PEX5L: variants seen among roughly 807,000 people sequenced by gnomAD.
PEX5L encodes the protein PEX5-related protein.
PEX5L carries 30 observed loss-of-function variants against 84.0 expected under a neutral mutation model. That is an observed-to-expected ratio of 0.36 (90% CI 0.27 to 0.48). The LOEUF (loss-of-function observed/expected upper bound fraction) is 0.48, where lower values mean the gene tolerates loss of function less well. Ranked by LOEUF, PEX5L falls within the 20% of genes least tolerant of loss-of-function variation. The pLI is 0.99. For synonymous variants in PEX5L, 270 were observed against 283.1 expected (o/e 0.95, Z 0.46); for missense variants, 533 against 754.6 (o/e 0.71, Z 3.44).
chr3:180,024,350 A>G (rs1301791043), intron 1 of PEX5L, among the ~76,000 whole-genome samples: 2 of 79,378 alleles, frequency 2.5e-5, no homozygotes, highest in Non-Finnish European at 4.5e-5. Context: ...CCTACTAAAT[A>G]TATATATATA....
chr3:179,990,660 C>T (rs1385940132), intron 1 of PEX5L, among the ~76,000 whole-genome samples: 1 of 152,182 alleles, frequency 6.6e-6, no homozygotes, highest in African/African-American at 2.4e-5. Flanking sequence ...ACCCCTGCCT[C>T]CCCAAGTGCT....
At chr3:179,946,753 C>G (rs1375776892) in intron 2 of PEX5L, among the ~76,000 whole-genome samples, 1 of 152,158 alleles carries the variant, frequency 6.6e-6, no homozygotes, top group African/African-American at 2.4e-5. Context: ...TGACTGAGAA[C>G]CAGGAGCTAG....
At chr3:179,925,869 T>C (rs947766602) in intron 2 of PEX5L, among the ~76,000 whole-genome samples, 5 of 152,340 alleles carry the variant, frequency 3.3e-5, no homozygotes, top group Admixed American at 6.5e-5. Flanking sequence ...GGTAAAATTA[T>C]TGGAGAAAAT....
At position 179,800,370 on chromosome 3, in the gene PEX5L, G is replaced by T. The variant is rs145379371; in HGVS notation, c.*1458C>A. The T allele has an allele frequency of 3.9e-4, 59 of 152,304 alleles. No homozygotes were observed. The highest frequency in any genetic ancestry group is 1.4e-3 in the African/African-American group (57 of 41,560). The allele number at this position is 152,304 out of a possible 1,614,324, so 9.4% of individuals were successfully genotyped here. A position where few individuals can be genotyped will look rare whatever the true frequency, so the allele number is the denominator to read the frequency against. On this transcript the variant is annotated 3_prime_UTR_variant, in exon 15 of 15. Coordinates refer to ENST00000467460, the MANE Select transcript of PEX5L (RefSeq NM_016559.3). ...GTTAGGATTAGCTACTGTGGGGAAGGTTCTAGACGAAGGAAGGAGACCAGG... is the reference window on the plus strand; with the variant it reads ...GTTAGGATTAGCTACTGTGGGGAAGTTTCTAGACGAAGGAAGGAGACCAGG...
At chr3:180,004,384 A>C (rs1788686174) in intron 1 of PEX5L, among the ~76,000 whole-genome samples, 1 of 152,202 alleles carries the variant, frequency 6.6e-6, no homozygotes, top group African/African-American at 2.4e-5. Flanking sequence ...GTTTGGAAAT[A>C]AGATGGAAAG....
chr3:180,007,112 G>C (rs953717802), intron 1 of PEX5L, among the ~76,000 whole-genome samples: 3 of 152,116 alleles, frequency 2.0e-5, no homozygotes, highest in African/African-American at 7.2e-5. Flanking sequence ...AAAATAGAAA[G>C]CAAGCTAGTT....
intron 2 of PEX5L, among the ~76,000 whole-genome samples, chr3:179,947,788 G>A (rs1157201974): frequency 1.3e-5 from 2 of 149,256 alleles, no homozygotes; most frequent in East Asian, 4.0e-4. Flanking sequence ...CTCACCGCAA[G>A]CTCTGCCTCC....
intron 2 of PEX5L, among the ~76,000 whole-genome samples, chr3:179,934,862 C>G (rs1390861980): frequency 6.6e-6 from 1 of 152,036 alleles, no homozygotes; most frequent in Non-Finnish European, 1.5e-5. Flanking sequence ...AAAGCATTTT[C>G]TTTTTACTAG....
chr3:179,868,728 C>T (rs536720325), intron 7 of PEX5L, among the ~76,000 whole-genome samples: 12 of 152,172 alleles, frequency 7.9e-5, no homozygotes, highest in African/African-American at 2.6e-4. Flanking sequence ...CTGCCAGAGG[C>T]TTCATCTATA....
chr3:179,844,237 G>GT (rs1444802544), intron 8 of PEX5L, among the ~76,000 whole-genome samples: 2 of 152,174 alleles, frequency 1.3e-5, no homozygotes, highest in Admixed American at 1.3e-4. Context: ...TTAGAATGGG[G>GT]TCATGTCTTT....
At chr3:179,871,588 A>C (rs1750414091) in intron 7 of PEX5L, among the ~76,000 whole-genome samples, 1 of 152,212 alleles carries the variant, frequency 6.6e-6, no homozygotes, top group African/African-American at 2.4e-5. Context: ...CATAACCTAA[A>C]TGGAGATGTA....
At chr3:179,816,414 A>T (rs1726110003) in intron 9 of PEX5L, among the ~76,000 whole-genome samples, 1 of 152,242 alleles carries the variant, frequency 6.6e-6, no homozygotes, top group Non-Finnish European at 1.5e-5. Context: ...AGCCATAAAA[A>T]GGATGAGTTC....
chr3:180,031,146 G>A (rs1791427393), intron 1 of PEX5L, among the ~76,000 whole-genome samples: 2 of 152,076 alleles, frequency 1.3e-5, no homozygotes, highest in South Asian at 2.1e-4. Flanking sequence ...GAATCAGTCA[G>A]CATGACATTA....
chr3:180,017,918 G>T (rs1272600637), intron 1 of PEX5L, among the ~76,000 whole-genome samples: 1 of 152,156 alleles, frequency 6.6e-6, no homozygotes, highest in Non-Finnish European at 1.5e-5. Context: ...GAAGAATGAG[G>T]ACTCAGGGTA....
At chr3:179,860,037 T>C in intron 7 of PEX5L, among the ~76,000 whole-genome samples, 1 of 152,240 alleles carries the variant, frequency 6.6e-6, no homozygotes, top group East Asian at 1.9e-4. Flanking sequence ...CAGTAATATG[T>C]TTCAAAAACA....
chr3:179,924,769 T>G (rs1256932621), intron 2 of PEX5L, among the ~76,000 whole-genome samples: 1 of 152,184 alleles, frequency 6.6e-6, no homozygotes, highest in Admixed American at 6.5e-5. Context: ...CCTTATACCT[T>G]AAGTGTATTA....
Position 179,986,463 on chromosome 3 carries a change from C to T in PEX5L, c.22-14798G>A, listed in dbSNP as rs1040968901. Among the ~76,000 whole-genome samples the T allele has an allele frequency of 6.4e-5, 9 of 141,080 alleles. No homozygotes were observed. In the South Asian group the frequency reaches 6.6e-4, roughly 10 times the overall value. The allele number at this position is 141,080 out of a possible 152,430, so 92.6% of individuals were successfully genotyped here. A position where few individuals can be genotyped will look rare whatever the true frequency, so the allele number is the denominator to read the frequency against. On this transcript the variant is annotated intron_variant, in intron 1 of 14. Coordinates refer to ENST00000467460, the MANE Select transcript of PEX5L (RefSeq NM_016559.3). The stretch of plus-strand genomic sequence containing the variant: ...TGTCACCCAGGCTGGAGTGCAGTGG[C>T]GCGATCTCGGCTCACCGCAAGCTCC...
intron 2 of PEX5L, among the ~76,000 whole-genome samples, chr3:179,968,723 C>CGTG (rs1560973833): frequency 9.0e-6 from 1 of 111,276 alleles, no homozygotes; most frequent in Non-Finnish European, 1.8e-5. Context: ...GTGTGTGTGT[C>CGTG]TGTGTGTGTC....
chr3:179,850,187 C>T (rs1013423445), intron 8 of PEX5L, among the ~76,000 whole-genome samples: 2 of 151,358 alleles, frequency 1.3e-5, no homozygotes, highest in African/African-American at 2.4e-5. Context: ...AGTGCAGTGG[C>T]GTGATCTTGG....
Sources: gnomAD v4.1 joint callset for allele counts (sites outside exome capture counted in the v4.1 genomes callset) on GRCh38, gnomAD v4.1.1 for gene constraint, MANE v1.5 for transcripts, NCBI Gene and HGNC (gene_info 2026-07-23, HGNC 2026-07-21) for gene names.